Variants in NOSIP observed in about 807,000 individuals in gnomAD.
NOSIP encodes the protein nitric oxide synthase-interacting protein.
NOSIP carries 25 observed loss-of-function variants against 36.4 expected under a neutral mutation model. That is an observed-to-expected ratio of 0.69 (90% CI 0.50 to 0.96). The LOEUF (loss-of-function observed/expected upper bound fraction) is 0.96. Ranked by LOEUF, NOSIP falls within the 40% of genes least tolerant of loss-of-function variation. NOSIP has a pLI of 0.00. For missense variants in NOSIP, 370 were observed against 429.0 expected (o/e 0.86, Z 1.21); for synonymous variants, 187 against 179.2 (o/e 1.04, Z -0.35).
chr19:49,565,641 C>A (rs55796141), intron 1 of NOSIP, among the ~76,000 whole-genome samples: 13,520 of 151,728 alleles, frequency 0.089, 859 homozygotes, highest in Non-Finnish European at 0.13. Context: ...GCCTGTAATC[C>A]CAGCTACTCA....
intron 1 of NOSIP, among the ~76,000 whole-genome samples, chr19:49,565,453 TATA>T (rs1342166411): frequency 2.0e-5 from 3 of 151,990 alleles, no homozygotes; most frequent in Admixed American, 2.0e-4. Flanking sequence ...CTGTACATGT[TATA>T]AAAAGAAATT....
At position 49,559,036 on chromosome 19, in the gene NOSIP, C is replaced by A. The variant is rs59279440; in HGVS notation, c.177-58G>T. On this transcript the variant is annotated intron_variant, in intron 3 of 8. Transcript: ENST00000596358. Reference sequence around the variant, plus strand: ...AAGTGATCCTCCCGCCTCGGCCTCCCGAAGTGCTGGGATTATAGGCAGAAG... The same window carrying A: ...AAGTGATCCTCCCGCCTCGGCCTCCAGAAGTGCTGGGATTATAGGCAGAAG... The A allele has an allele frequency of 7.8e-6, 11 of 1,409,740 alleles. No homozygotes were observed. The Admixed American group carries it at 1.5e-4, about 19-fold the overall frequency. 87.3% of individuals were successfully genotyped at this position (1,409,740 alleles called of 1,614,324 possible).
intron 1 of NOSIP, among the ~76,000 whole-genome samples, chr19:49,572,028 C>T (rs889096279): frequency 2.7e-4 from 40 of 149,532 alleles, no homozygotes; most frequent in African/African-American, 9.5e-4. Context: ...TTATTTGTAG[C>T]CTTTGAAATC....
At chr19:49,565,095 G>C (rs1172389532) in intron 1 of NOSIP, among the ~76,000 whole-genome samples, 1 of 152,010 alleles carries the variant, frequency 6.6e-6, no homozygotes, top group African/African-American at 2.4e-5. Flanking sequence ...GAGCAACATA[G>C]CAAAACCTTG....
At chr19:49,568,826 CAG>C (rs2080446833) in intron 1 of NOSIP, among the ~76,000 whole-genome samples, 1 of 133,078 alleles carries the variant, frequency 7.5e-6, no homozygotes, top group African/African-American at 3.1e-5. Context: ...TTTTTTGAGA[CAG>C]AGTCTTGCTC....
At chr19:49,580,219 T>A (rs113017910) in intron 1 of NOSIP, among the ~76,000 whole-genome samples, 246 of 151,626 alleles carry the variant, frequency 1.6e-3, no homozygotes, top group African/African-American at 5.7e-3. Flanking sequence ...CAAATAGCCA[T>A]CATCTACAGC....
At position 49,556,893 on chromosome 19, in the gene NOSIP, G is replaced by A; in HGVS notation, c.519C>T (p.Ala173=). 1 of 1,613,258 alleles carries A rather than the reference G, an allele frequency of 6.2e-7. No homozygotes were observed. Among genetic ancestry groups the A allele is most frequent in the Non-Finnish European group, 8.5e-7 (1 of 1,179,574 alleles). The change falls in exon 6 of 9, where the codon GCC becomes GCT. Residue 173 remains alanine, a synonymous_variant. Transcript: ENST00000596358. ...WIPSLTPEAK[A]TKLEKPSRTV... is the part of the protein sequence containing the mutation. ...GGCTCACCGGCTTCTCCAGCTTGGTGGCCTTGGCTTCGGGCGTCAGCGACG... is the reference window on the plus strand; with the variant it reads ...GGCTCACCGGCTTCTCCAGCTTGGTAGCCTTGGCTTCGGGCGTCAGCGACG...
At position 49,556,555 on chromosome 19, in the gene NOSIP, C is replaced by T. The variant is rs781518095; in HGVS notation, c.719G>A (p.Arg240Gln). Residue 240 changes from arginine (R) to glutamine (Q), a missense_variant, in exon 7 of 9, where the codon CGG becomes CAG. By Grantham distance (43) the Arg-to-Gln change is conservative. This residue lies in a region of NOSIP where 315 missense variants were observed against 331.9 expected (regional missense o/e 0.95). Coordinates refer to ENST00000596358, the MANE Select transcript of NOSIP (RefSeq NM_001270960.2). ...CCCCTCCCAGGTGACTCACGAGGGCCGCAGCACAGCGCAGGGGGTGGCGTT... is the reference window on the plus strand; with the variant it reads ...CCCCTCCCAGGTGACTCACGAGGGCTGCAGCACAGCGCAGGGGGTGGCGTT... The part of the protein sequence containing the change: ...LSNATPCAVL[R>Q]PSGAVVTLEC... 7 of 1,603,722 alleles carry T rather than the reference C, an allele frequency of 4.4e-6. No individual in the cohort carries two copies. The highest frequency in any genetic ancestry group is 5.9e-6 in the Non-Finnish European group (7 of 1,177,546).
intron 1 of NOSIP, among the ~76,000 whole-genome samples, chr19:49,566,366 T>C (rs2080408440): frequency 6.6e-6 from 1 of 152,100 alleles, no homozygotes; most frequent in Non-Finnish European, 1.5e-5. Context: ...CTGAATACAG[T>C]GGTACAATCA....
At chr19:49,562,242 T>C (rs112559857) in intron 1 of NOSIP, among the ~76,000 whole-genome samples, 16,633 of 152,088 alleles carry the variant, frequency 0.11, 2,422 homozygotes, top group African/African-American at 0.32. Context: ...CTGCCTCAGC[T>C]TCCCAAATAG....
In NOSIP at chr19:49,557,145, GA is replaced by G. The variant is rs769389639; in HGVS notation, c.362del (p.Ile121ThrfsTer2). On this transcript the variant is annotated frameshift_variant, in exon 5 of 9. Transcript: ENST00000596358. LOFTEE classifies it high-confidence loss of function. ...VRGFLEKESA[I>X]VSRPLNPFTA... ...TGAAAGGGTTGAGGGGCCGGCTCAC[GA>G]TAGCCGACTCCTTCTCCAGGAAGCC... The G allele has an allele frequency of 1.2e-6, 2 of 1,612,372 alleles. No homozygotes were observed. The highest frequency in any genetic ancestry group is 1.7e-6 in the Non-Finnish European group (2 of 1,179,452).
intron 1 of NOSIP, among the ~76,000 whole-genome samples, chr19:49,570,975 T>A (rs150321437): frequency 1.2e-3 from 180 of 152,070 alleles, no homozygotes; most frequent in Non-Finnish European, 1.9e-3. Flanking sequence ...AAACTTTTTT[T>A]AATTTAATTT....
At chr19:49,566,169 G>A (rs1450562130) in intron 1 of NOSIP, among the ~76,000 whole-genome samples, 2 of 151,864 alleles carry the variant, frequency 1.3e-5, no homozygotes, top group Admixed American at 6.6e-5. Context: ...ACAGGCGCTC[G>A]CCACCACGCC....
intron 1 of NOSIP, among the ~76,000 whole-genome samples, chr19:49,569,713 C>T (rs2080460421): frequency 6.6e-6 from 1 of 151,530 alleles, no homozygotes; most frequent in Admixed American, 6.6e-5. Flanking sequence ...GAGGCTGAGG[C>T]AAGAGAATTG....
At chr19:49,563,182 G>GTTTT (rs766907529) in intron 1 of NOSIP, among the ~76,000 whole-genome samples, 11 of 144,712 alleles carry the variant, frequency 7.6e-5, no homozygotes, top group African/African-American at 2.5e-4. Flanking sequence ...TTTTCTTTTT[G>GTTTT]TTTTTTTTTT....
In NOSIP at chr19:49,560,472, ACC is replaced by A; in HGVS notation, c.70+148_70+149del. On this transcript the variant is annotated intron_variant, in intron 2 of 8. Transcript: ENST00000596358. The surrounding 1 kb of genome is among the most constrained non-coding windows in gnomAD (Gnocchi z 4.6). ...CCGGGCCACATGGGGTCATGGGATC[ACC>A]CAGCTGTTGTTTACATGGTCATGGC... 1.5e-6 allele frequency: 1 copy of A among 652,794 alleles called. No individual in the cohort carries two copies. Among genetic ancestry groups the A allele is most frequent in the Non-Finnish European group, 2.8e-6 (1 of 360,708 alleles). The allele number at this position is 652,794 out of a possible 1,614,324, so 40.4% of individuals were successfully genotyped here.
In NOSIP at chr19:49,571,124, C is replaced by T. The variant is rs1390898571; in HGVS notation, c.-2+9391G>A. Among the ~76,000 whole-genome samples, 10 of 151,358 alleles carry T rather than the reference C, an allele frequency of 6.6e-5. No homozygotes were observed. In the Admixed American group the frequency reaches 6.6e-4, roughly 10 times the overall value. ...CCCAAGTAGCTGAGATAACAGGCGC[C>T]CACGCCCAGCTAATTTTTTTTTTTT... On this transcript the variant is annotated intron_variant, in intron 1 of 8. Coordinates refer to ENST00000596358, the MANE Select transcript of NOSIP (RefSeq NM_001270960.2).
chr19:49,556,723 G>A lies in NOSIP; in HGVS notation c.551C>T (p.Thr184Ile), dbSNP rs769578558. Residue 184 changes from threonine to isoleucine, a missense_variant, in exon 7 of 9, where the codon ACC becomes ATC. By Grantham distance (89) the Thr-to-Ile change is moderately conservative. Coordinates refer to ENST00000596358, the MANE Select transcript of NOSIP (RefSeq NM_001270960.2). ...CAGGGGCTTCCCTGACATGGGGCAG[G>A]TCACCGTGCGGGACTGCAAGGGGCA... is the stretch of plus-strand genomic sequence containing the variant. ...TKLEKPSRTV[T>I]CPMSGKPLRM... 1 of 1,607,774 alleles carries A rather than the reference G, an allele frequency of 6.2e-7. No homozygotes were observed. The highest frequency in any genetic ancestry group is 1.1e-5 in the South Asian group (1 of 90,592).
intron 4 of NOSIP, 196 bp from the exon 5 acceptor site, chr19:49,557,445 C>A: frequency 1.4e-6 from 2 of 1,419,638 alleles, no homozygotes; most frequent in Non-Finnish European, 1.8e-6. Flanking sequence ...GGCTCAAAGC[C>A]CATCTCTGTC....
Sources: gnomAD v4.1 joint callset for allele counts (sites outside exome capture counted in the v4.1 genomes callset) on GRCh38, gnomAD v4.1.1 for gene constraint, gnomAD v4.1.1 regional missense constraint, Gnocchi (gnomAD v3.1) non-coding constraint, MANE v1.5 for transcripts, NCBI Gene and HGNC (gene_info 2026-07-23, HGNC 2026-07-21) for gene names.